PRDM16: variants seen among roughly 807,000 people sequenced by gnomAD.
PRDM16 encodes the protein histone-lysine N-methyltransferase PRDM16.
In PRDM16, 23 loss-of-function variants were observed where a neutral mutation model predicts 110.6. The observed-to-expected ratio is 0.21, with a 90% CI of 0.15 to 0.29. The LOEUF is 0.29. Among genes scored for constraint, PRDM16 ranks in the 10% least tolerant of loss-of-function variants. The pLI is 1.00. For missense variants in PRDM16, 1,615 were observed against 1,794.3 expected, an observed-to-expected ratio of 0.90 and a Z score of 1.81; for synonymous variants, 799 against 781.8, an observed-to-expected ratio of 1.02 and a Z score of -0.37.
intron 1 of PRDM16, among the ~76,000 whole-genome samples, chr1:3,156,041 G>A (rs1017584073): frequency 1.3e-5 from 2 of 152,196 alleles, no homozygotes; most frequent in African/African-American, 4.8e-5. Flanking sequence ...AGAGAAAACA[G>A]CTCTGTCATA....
intron 3 of PRDM16, among the ~76,000 whole-genome samples, chr1:3,378,595 TA>T (rs2100592296): frequency 6.6e-6 from 1 of 152,156 alleles, no homozygotes; most frequent in South Asian, 2.1e-4. Context: ...AGCAACACCG[TA>T]CCCACCTCAT....
chr1:3,185,292 G>A (rs1172910064), intron 1 of PRDM16, among the ~76,000 whole-genome samples: 1 of 152,094 alleles, frequency 6.6e-6, no homozygotes, highest in Non-Finnish European at 1.5e-5. Context: ...GAAAAACTGG[G>A]CACTCTCTCA....
intron 3 of PRDM16, among the ~76,000 whole-genome samples, chr1:3,366,284 C>G: frequency 6.6e-6 from 1 of 152,390 alleles, no homozygotes; most frequent in Non-Finnish European, 1.5e-5. Flanking sequence ...TGGCCAAAAT[C>G]AGACCCAGTG....
At chr1:3,343,627 G>A (rs955891699) in intron 3 of PRDM16, among the ~76,000 whole-genome samples, 6 of 151,480 alleles carry the variant, frequency 4.0e-5, no homozygotes, top group African/African-American at 1.5e-4. Context: ...TCAGCTTTTG[G>A]TTTTTGTTTT....
intron 9 of PRDM16, 31 bp downstream of exon 9, chr1:3,412,831 C>A: frequency 7.0e-7 from 1 of 1,425,946 alleles, no homozygotes. Flanking sequence ...ACTGGCTCTC[C>A]CTGGGGCGGG....
chr1:3,370,925 C>A lies in PRDM16; in HGVS notation c.439-14227C>A, dbSNP rs1274986075. On this transcript the variant is annotated intron_variant, in intron 3 of 16. Coordinates refer to ENST00000270722, the MANE Select transcript of PRDM16 (RefSeq NM_022114.4). This position sits in a 1 kb window ranked among gnomAD's most constrained non-coding sequence, Gnocchi z 4.8. Reference sequence around the variant, plus strand: ...ATCCATCCATCCATCCATGCATCCACTGAATAATCCACCCATTCATCCATT... The same window carrying A: ...ATCCATCCATCCATCCATGCATCCAATGAATAATCCACCCATTCATCCATT... Among the ~76,000 whole-genome samples, 5 of 149,032 alleles carry A rather than the reference C, an allele frequency of 3.4e-5. No homozygotes were observed. In the East Asian group the frequency reaches 8.3e-4, roughly 25 times the overall value.
At chr1:3,251,094 G>A (rs547381050) in intron 3 of PRDM16, among the ~76,000 whole-genome samples, 3 of 152,336 alleles carry the variant, frequency 2.0e-5, no homozygotes, top group East Asian at 3.9e-4. Context: ...ACACTCAGAC[G>A]CTGCCTTAAC....
chr1:3,425,811 G>A lies in PRDM16; in HGVS notation c.3109+61G>A. 2.5e-6 allele frequency: 4 copies of A among 1,595,196 alleles called. No individual in the cohort carries two copies. The highest frequency in any genetic ancestry group is 3.4e-6 in the Non-Finnish European group (4 of 1,167,428). ...CCACACGGGCAGGCCCCACAGAGGGGGAGGGGGAACAGCAGGGGAGTGGGC... is the reference window on the plus strand; with the variant it reads ...CCACACGGGCAGGCCCCACAGAGGGAGAGGGGGAACAGCAGGGGAGTGGGC... On this transcript the variant is annotated intron_variant, in intron 13 of 16. Coordinates refer to ENST00000270722, the MANE Select transcript of PRDM16 (RefSeq NM_022114.4). The surrounding 1 kb of genome is among the most constrained non-coding windows in gnomAD (Gnocchi z 6.9).
At chr1:3,188,902 G>T (rs1638219840) in intron 2 of PRDM16, among the ~76,000 whole-genome samples, 1 of 152,210 alleles carries the variant, frequency 6.6e-6, no homozygotes, top group Non-Finnish European at 1.5e-5. Flanking sequence ...AATCAAGGAG[G>T]TTTCTCCCCA....
rs1193163006 is a variant in PRDM16, at chr1:3,358,705, T to C, written c.439-26447T>C. On this transcript the variant is annotated intron_variant, in intron 3 of 16. Transcript: ENST00000270722. This position sits in a 1 kb window ranked among gnomAD's most constrained non-coding sequence, Gnocchi z 4.0. ...CGGCTGGGGCTCCCGTGAACAAATA[T>C]CGCCACGTGTGCGCGATCAGAGCTG... Among the ~76,000 whole-genome samples the C allele has an allele frequency of 6.6e-6, 1 of 152,118 alleles. No individual in the cohort carries two copies.
At position 3,209,295 on chromosome 1, in the gene PRDM16, A is replaced by G. The variant is rs765630570; in HGVS notation, c.387+22821A>G. ...GATTTACTAAGCACGGTCACGCTGA[A>G]CAGTAACTGTGGGCAGGGACAGCAC... On this transcript the variant is annotated intron_variant, in intron 2 of 16. Coordinates refer to ENST00000270722, the MANE Select transcript of PRDM16 (RefSeq NM_022114.4). This position sits in a 1 kb window ranked among gnomAD's most constrained non-coding sequence, Gnocchi z 4.6. Among the ~76,000 whole-genome samples the G allele has an allele frequency of 9.2e-5, 14 of 152,242 alleles. No homozygotes were observed. Among genetic ancestry groups the G allele is most frequent in the South Asian group, 2.1e-4 (1 of 4,832 alleles).
intron 3 of PRDM16, among the ~76,000 whole-genome samples, chr1:3,284,138 G>C (rs1640796022): frequency 6.6e-6 from 1 of 152,096 alleles, no homozygotes; most frequent in African/African-American, 2.4e-5. Context: ...CGCCCGGGAA[G>C]CTGGGGTGGA....
At chr1:3,368,393 C>T (rs901005028) in intron 3 of PRDM16, among the ~76,000 whole-genome samples, 1 of 152,258 alleles carries the variant, frequency 6.6e-6, no homozygotes, top group South Asian at 2.1e-4. Context: ...GGCTGGGCCC[C>T]GGGCAGGAAG....
In PRDM16 at chr1:3,404,848, G is replaced by A. The variant is rs372445366; in HGVS notation, c.994G>A (p.Asp332Asn). The change falls in exon 7 of 17, where the codon GAC (aspartate) becomes AAC (asparagine). Residue 332 changes from aspartate to asparagine, a missense_variant. Transcript: ENST00000270722. Reference protein sequence around the residue: ...SNLIRHQMSHDSGKRFECENC... With the variant: ...SNLIRHQMSHNSGKRFECENC... ...CCTCATCCGCCACCAGATGTCCCAC[G>A]ACAGCGGCAAACGCTTCGAATGTGA... 4.4e-5 allele frequency: 71 copies of A among 1,613,460 alleles called. No homozygotes were observed. Among genetic ancestry groups the A allele is most frequent in the Non-Finnish European group, 5.5e-5 (65 of 1,179,986 alleles).
chr1:3,412,535 A>G lies in PRDM16; in HGVS notation c.2338A>G (p.Lys780Glu), dbSNP rs1459365687. ...CCCCTTTGATCTCACCACCAAGCCCAAAGACGTGAAGCCCATCCTGCCCAT... is the reference window on the plus strand; with the variant it reads ...CCCCTTTGATCTCACCACCAAGCCCGAAGACGTGAAGCCCATCCTGCCCAT... ...ECPFDLTTKP[K>E]DVKPILPMPK... The change falls in exon 9 of 17, where the codon AAA (lysine) becomes GAA (glutamate). Residue 780 changes from lysine (K) to glutamate (E), a missense_variant. By Grantham distance (56) the Lys-to-Glu change is moderately conservative. Transcript: ENST00000270722. The G allele has an allele frequency of 6.2e-7, 1 of 1,612,526 alleles. No individual in the cohort carries two copies. The highest frequency in any genetic ancestry group is 2.2e-5 in the East Asian group (1 of 44,868).
At chr1:3,224,163 G>C (rs1639233444) in intron 2 of PRDM16, among the ~76,000 whole-genome samples, 1 of 152,036 alleles carries the variant, frequency 6.6e-6, no homozygotes, top group South Asian at 2.1e-4. Context: ...GTTTATCTTT[G>C]GGGCTGGGGA....
chr1:3,122,645 C>A (rs1643119188), intron 1 of PRDM16, among the ~76,000 whole-genome samples: 1 of 152,170 alleles, frequency 6.6e-6, no homozygotes, highest in South Asian at 2.1e-4. Flanking sequence ...TCAGCAAATA[C>A]CGCAGCCCTG....
At chr1:3,128,177 C>T (rs552933382) in intron 1 of PRDM16, 9 of 154,546 alleles carry the variant, frequency 5.8e-5, no homozygotes, top group African/African-American at 1.9e-4. Flanking sequence ...GGTCTGGTTC[C>T]GTACCCATGC....
At chr1:3,361,970 C>T (rs1438646382) in intron 3 of PRDM16, among the ~76,000 whole-genome samples, 1 of 143,412 alleles carries the variant, frequency 7.0e-6, no homozygotes, top group Non-Finnish European at 1.5e-5. Flanking sequence ...GTGACCGTGG[C>T]CCAGGAGGGC....
Sources: gnomAD v4.1 joint callset for allele counts (sites outside exome capture counted in the v4.1 genomes callset) on GRCh38, gnomAD v4.1.1 for gene constraint, Gnocchi (gnomAD v3.1) non-coding constraint, MANE v1.5 for transcripts, NCBI Gene and HGNC (gene_info 2026-07-23, HGNC 2026-07-21) for gene names.